Variants in EFCC1 observed in about 807,000 individuals in gnomAD.
EFCC1 encodes the protein EF-hand and coiled-coil domain-containing protein 1.
EFCC1 carries 50 observed loss-of-function variants against 52.1 expected under a neutral mutation model. The observed-to-expected ratio is 0.96, with a 90% CI of 0.76 to 1.21. The LOEUF is 1.21. Ranked by LOEUF, EFCC1 falls within the 50% of genes most tolerant of loss-of-function variation. The pLI, the probability that EFCC1 is intolerant of heterozygous loss-of-function variation, is 0.00. For synonymous variants in EFCC1, 399 were observed against 396.5 expected, an observed-to-expected ratio of 1.01 and a Z score of -0.08; for missense variants, 837 against 867.3, an observed-to-expected ratio of 0.97 and a Z score of 0.44.
At chr3:129,024,341 G>C (rs1946003319) in intron 2 of EFCC1, among the ~76,000 whole-genome samples, 1 of 152,024 alleles carries the variant, frequency 6.6e-6, no homozygotes. Flanking sequence ...AGACCCGCCT[G>C]GCCAACATGG....
At position 129,004,045 on chromosome 3, in the gene EFCC1, G is replaced by T. The variant is rs568197517; in HGVS notation, c.948G>T (p.Val316=). 234 of 1,511,978 alleles carry T rather than the reference G, an allele frequency of 1.5e-4. No individual in the cohort carries two copies. The highest frequency in any genetic ancestry group is 6.9e-4 in the Middle Eastern group (3 of 4,336). 93.7% of individuals were successfully genotyped at this position (1,511,978 alleles called of 1,614,324 possible). ...AGGTGCCCGGCTTGCAGCGCTGGGT[G>T]CGGCGGCTGGAGGCGGAGCTGCAAC... ...AQQVPGLQRW[V]RRLEAELQRY... is the part of the protein sequence containing the mutation. Residue 316 remains valine (V), a synonymous_variant, in exon 2 of 8, where the codon GTG becomes GTT. Coordinates refer to ENST00000683648, the MANE Select transcript of EFCC1 (RefSeq NM_001377500.1).
intron 2 of EFCC1, among the ~76,000 whole-genome samples, chr3:129,024,635 T>C (rs537782946): frequency 3.2e-4 from 49 of 151,904 alleles, no homozygotes; most frequent in Non-Finnish European, 6.0e-4. Flanking sequence ...GGCTTCTTGG[T>C]GCACCGTTCC....
chr3:129,034,388 G>T (rs1413565150), intron 5 of EFCC1, 59 bp downstream of exon 5: 2 of 1,564,306 alleles, frequency 1.3e-6, no homozygotes, highest in Middle Eastern at 2.2e-4. Context: ...ACAGCTGGAA[G>T]GGTCTGAGGG....
Position 129,016,026 on chromosome 3 carries a change from G to A in EFCC1, c.980+11949G>A, listed in dbSNP as rs182359943. Among the ~76,000 whole-genome samples, 7 of 152,262 alleles carry A rather than the reference G, an allele frequency of 4.6e-5. No individual in the cohort carries two copies. The East Asian group carries it at 5.8e-4, about 13-fold the overall frequency. On this transcript the variant is annotated intron_variant, in intron 2 of 7. Coordinates refer to ENST00000683648, the MANE Select transcript of EFCC1 (RefSeq NM_001377500.1). The stretch of plus-strand genomic sequence containing the variant: ...CCTGAGACTTGCTGAGTCACTGAGC[G>A]GCTCAGAGCATAGGAAGCAGAGAGA...
intron 2 of EFCC1, among the ~76,000 whole-genome samples, chr3:129,027,096 GTCA>G (rs1181867388): frequency 1.3e-5 from 2 of 152,126 alleles, no homozygotes; most frequent in East Asian, 3.9e-4. Flanking sequence ...CGCTTCGTCG[GTCA>G]TCATGCTCCG....
At chr3:129,002,562 A>G in intron 1 of EFCC1, 1 of 755,082 alleles carries the variant, frequency 1.3e-6, no homozygotes, top group South Asian at 2.8e-5. Flanking sequence ...AATCACACTC[A>G]AACAACCATA....
At chr3:129,027,194 C>G (rs1448263016) in intron 2 of EFCC1, among the ~76,000 whole-genome samples, 1 of 152,154 alleles carries the variant, frequency 6.6e-6, no homozygotes, top group African/African-American at 2.4e-5. Context: ...CCCGTGCAGC[C>G]CTGGGCCACT....
rs1389695809 is a variant in EFCC1, at chr3:129,002,305, C to G, written c.677C>G (p.Ala226Gly). ...CGCGCCGCGCTGCAGAGCAGTGATGCGCGCTGCCTAGCACTGCAGGTGCGC... is the reference window on the plus strand; with the variant it reads ...CGCGCCGCGCTGCAGAGCAGTGATGGGCGCTGCCTAGCACTGCAGGTGCGC... ...DLRAALQSSD[A>G]RCLALQVGLW... Residue 226 changes from alanine to glycine, a missense_variant, in exon 1 of 8, where the codon GCG (alanine) becomes GGG (glycine). Coordinates refer to ENST00000683648, the MANE Select transcript of EFCC1 (RefSeq NM_001377500.1). The G allele has an allele frequency of 2.6e-6, 4 of 1,525,634 alleles. No individual in the cohort carries two copies. Among genetic ancestry groups the G allele is most frequent in the African/African-American group, 1.4e-5 (1 of 71,572 alleles). 94.5% of individuals were successfully genotyped at this position (1,525,634 alleles called of 1,614,324 possible). A position where few individuals can be genotyped will look rare whatever the true frequency, so the allele number is the denominator to read the frequency against.
intron 2 of EFCC1, among the ~76,000 whole-genome samples, chr3:129,006,888 C>A (rs1297501739): frequency 6.6e-6 from 1 of 151,770 alleles, no homozygotes. Flanking sequence ...AAAGCTCTCA[C>A]TCTGAAAAGA....
At chr3:129,022,581 C>T (rs1014115679) in intron 2 of EFCC1, among the ~76,000 whole-genome samples, 5 of 152,302 alleles carry the variant, frequency 3.3e-5, no homozygotes, top group East Asian at 1.9e-4. Flanking sequence ...ACCCGGCCTC[C>T]GGATGCTGTG....
intron 2 of EFCC1, among the ~76,000 whole-genome samples, chr3:129,017,701 T>C (rs1945650613): frequency 6.6e-6 from 1 of 152,076 alleles, no homozygotes. Flanking sequence ...CCCAGAAAGC[T>C]ATCTGCATTT....
chr3:129,020,859 G>T (rs1945809343), intron 2 of EFCC1, among the ~76,000 whole-genome samples: 1 of 152,172 alleles, frequency 6.6e-6, no homozygotes, highest in South Asian at 2.1e-4. Flanking sequence ...CCTTCTGAAG[G>T]CTGGGGCATG....
At chr3:129,038,313 G>A (rs1946382742) in intron 6 of EFCC1, among the ~76,000 whole-genome samples, 1 of 152,150 alleles carries the variant, frequency 6.6e-6, no homozygotes, top group African/African-American at 2.4e-5. Context: ...AGAGACCTGG[G>A]GATGGGCCCC....
At chr3:129,023,167 C>T (rs958975212) in intron 2 of EFCC1, among the ~76,000 whole-genome samples, 7 of 152,232 alleles carry the variant, frequency 4.6e-5, no homozygotes, top group Non-Finnish European at 7.3e-5. Context: ...CTGTCAGGGA[C>T]AGCAGAGGTT....
intron 2 of EFCC1, among the ~76,000 whole-genome samples, chr3:129,020,596 C>A (rs573898394): frequency 7.9e-5 from 12 of 152,260 alleles, no homozygotes; most frequent in Middle Eastern, 3.4e-3. Context: ...GAGATCACGC[C>A]ACTGCATTCC....
intron 1 of EFCC1, chr3:129,003,429 G>A (rs1463658785): frequency 4.5e-5 from 16 of 353,692 alleles, no homozygotes; most frequent in Non-Finnish European, 5.9e-5. Flanking sequence ...GGGAGTCTAG[G>A]AGATGAGGAA....
chr3:129,011,217 T>G (rs1447639270), intron 2 of EFCC1, among the ~76,000 whole-genome samples: 1 of 152,168 alleles, frequency 6.6e-6, no homozygotes, highest in Non-Finnish European at 1.5e-5. Context: ...CTTGCTGTTG[T>G]GTTGAAAGTG....
At chr3:129,019,563 T>G (rs1559965843) in intron 2 of EFCC1, among the ~76,000 whole-genome samples, 1 of 152,134 alleles carries the variant, frequency 6.6e-6, no homozygotes, top group African/African-American at 2.4e-5. Flanking sequence ...AGAACTACAG[T>G]TCTGGGAAAA....
In EFCC1 at chr3:129,010,192, C is replaced by G. The variant is rs1174150074; in HGVS notation, c.980+6115C>G. Among the ~76,000 whole-genome samples, 2 of 152,254 alleles carry G rather than the reference C, an allele frequency of 1.3e-5. No individual in the cohort carries two copies. Among genetic ancestry groups the G allele is most frequent in the African/African-American group, 2.4e-5 (1 of 41,474 alleles). On this transcript the variant is annotated intron_variant, in intron 2 of 7. Coordinates refer to ENST00000683648, the MANE Select transcript of EFCC1 (RefSeq NM_001377500.1). This position sits in a 1 kb window ranked among gnomAD's most constrained non-coding sequence, Gnocchi z 4.3. The stretch of plus-strand genomic sequence containing the variant: ...TGTCCTGCCTTGAGGGGTCCCCCTT[C>G]AGTCCTCAGTAGAAGGTCTCTGGTG...
Sources: allele counts gnomAD v4.1 joint callset (sites outside exome capture counted in the v4.1 genomes callset), GRCh38; gene constraint gnomAD v4.1.1; non-coding constraint Gnocchi (gnomAD v3.1); transcripts MANE v1.5; gene names NCBI Gene and HGNC (gene_info 2026-07-23, HGNC 2026-07-21).